The following PCDHB5 variants were observed in gnomAD, a reference collection of about 807,000 sequenced individuals.
PCDHB5 encodes protocadherin beta 5.
For missense variants in PCDHB5, 1,125 were observed against 1,029.4 expected (o/e 1.09, Z -1.27); for synonymous variants, 569 against 462.2 (o/e 1.23, Z -2.96).
In PCDHB5 at chr5:141,136,448, T is replaced by C; in HGVS notation, c.1014T>C (p.Asp338=). 6.2e-7 allele frequency: 1 copy of C among 1,614,148 alleles called. No homozygotes were observed. The highest frequency in any genetic ancestry group is 8.5e-7 in the Non-Finnish European group (1 of 1,180,044). The stretch of plus-strand genomic sequence containing the variant: ...GCACTGTGGCTATAGAAGTGGTGGA[T>C]GTGAATGACAACGCCCCTGAACTCA... ...GKCTVAIEVV[D]VNDNAPELTM... The change falls in exon 1 of 1, where the codon GAT becomes GAC. Residue 338 remains aspartate (D), a synonymous_variant. Coordinates refer to ENST00000231134, the MANE Select transcript of PCDHB5 (RefSeq NM_015669.5).
rs1348843932 is a variant in PCDHB5, at chr5:141,136,284, G to C, written c.850G>C (p.Gly284Arg). 1 of 1,614,210 alleles carries C rather than the reference G, an allele frequency of 6.2e-7. No individual in the cohort carries two copies. The highest frequency in any genetic ancestry group is 8.5e-7 in the Non-Finnish European group (1 of 1,180,034). The change falls in exon 1 of 1, where the codon GGC (glycine) becomes CGC (arginine). Residue 284 changes from glycine to arginine, a missense_variant. By Grantham distance (125) the Gly-to-Arg change is moderately radical. Transcript: ENST00000231134. ...YGSVAYALFQ[G>R]DEVTQPFVID... Reference sequence around the variant, plus strand: ...GAGTGTAGCCTATGCTCTATTCCAAGGCGATGAAGTTACTCAACCATTTGT... The same window carrying C: ...GAGTGTAGCCTATGCTCTATTCCAACGCGATGAAGTTACTCAACCATTTGT...
In PCDHB5 at chr5:141,137,765, C is replaced by T. The variant is rs138194196; in HGVS notation, c.2331C>T (p.Gly777=). The part of the protein sequence containing the change: ...KPIIPNLLPQ[G]AGEEIGKTAA... ...TTATTCCTAACCTTTTGCCCCAGGGCGCTGGTGAAGAAATAGGGAAAACTG... is the reference window on the plus strand; with the variant it reads ...TTATTCCTAACCTTTTGCCCCAGGGTGCTGGTGAAGAAATAGGGAAAACTG... Residue 777 remains glycine, a synonymous_variant, in exon 1 of 1, where the codon GGC becomes GGT. Coordinates refer to ENST00000231134, the MANE Select transcript of PCDHB5 (RefSeq NM_015669.5). The T allele has an allele frequency of 4.3e-6, 7 of 1,613,884 alleles. No homozygotes were observed. Among genetic ancestry groups the T allele is most frequent in the Admixed American group, 1.7e-5 (1 of 59,976 alleles).
Position 141,137,219 on chromosome 5 carries a change from G to A in PCDHB5, c.1785G>A (p.Ser595=). ...VTKVVAVDGD[S]GQNAWLSYQL... ...AGGTGGTGGCGGTGGACGGTGACTCGGGCCAGAACGCCTGGCTGTCGTACC... is the reference window on the plus strand; with the variant it reads ...AGGTGGTGGCGGTGGACGGTGACTCAGGCCAGAACGCCTGGCTGTCGTACC... The change falls in exon 1 of 1, where the codon TCG becomes TCA. Residue 595 remains serine, a synonymous_variant. Transcript: ENST00000231134. 3 of 1,610,902 alleles carry A rather than the reference G, an allele frequency of 1.9e-6. No individual in the cohort carries two copies. The highest frequency in any genetic ancestry group is 2.5e-6 in the Non-Finnish European group (3 of 1,179,618).
In PCDHB5 at chr5:141,136,140, A is replaced by G. The variant is rs1554275826; in HGVS notation, c.706A>G (p.Asn236Asp). 6.2e-7 allele frequency: 1 copy of G among 1,614,156 alleles called. No homozygotes were observed. The highest frequency in any genetic ancestry group is 1.1e-5 in the South Asian group (1 of 91,070). ...TTIRIVVLDNNDNAPEFLQSF... is the reference protein window; with the variant it reads ...TTIRIVVLDNDDNAPEFLQSF... ...AATTCGCATTGTCGTCTTGGATAAT[A>G]ATGACAACGCCCCCGAATTTTTACA... is the stretch of plus-strand genomic sequence containing the variant. Residue 236 changes from asparagine (N) to aspartate (D), a missense_variant, in exon 1 of 1, where the codon AAT becomes GAT. Physicochemically the swap from Asn to Asp is conservative, Grantham distance 23 (BLOSUM62 1). Coordinates refer to ENST00000231134, the MANE Select transcript of PCDHB5 (RefSeq NM_015669.5).
chr5:141,137,688 G>A lies in PCDHB5; in HGVS notation c.2254G>A (p.Val752Met), dbSNP rs1752630141. ...CCTATCCCAGAGCTACCACTACGAG[G>A]TGTGTTTGACCGGAGACTCAGGGGC... ...GTLSQSYHYEVCLTGDSGAGE... is the reference protein window; with the variant it reads ...GTLSQSYHYEMCLTGDSGAGE... Residue 752 changes from valine (V) to methionine (M), a missense_variant, in exon 1 of 1, where the codon GTG becomes ATG. Coordinates refer to ENST00000231134, the MANE Select transcript of PCDHB5 (RefSeq NM_015669.5). 1 of 1,614,260 alleles carries A rather than the reference G, an allele frequency of 6.2e-7. No individual in the cohort carries two copies. The highest frequency in any genetic ancestry group is 1.1e-5 in the South Asian group (1 of 91,082).
chr5:141,137,244 C>T lies in PCDHB5; in HGVS notation c.1810C>T (p.Gln604Ter), dbSNP rs1554276148. ...GGGCCAGAACGCCTGGCTGTCGTAC[C>T]AGCTGCTCAAGGCCACGGAGCCCGG... The part of the protein sequence containing the change: ...DSGQNAWLSY[Q>*]LLKATEPGLF... The change falls in exon 1 of 1, where the codon CAG becomes TAG. Residue 604 changes from glutamine (Q) to a stop codon, truncating the protein, a stop_gained. Coordinates refer to ENST00000231134, the MANE Select transcript of PCDHB5 (RefSeq NM_015669.5). LOFTEE classifies it low-confidence loss of function (END_TRUNC). 2 of 1,610,804 alleles carry T rather than the reference C, an allele frequency of 1.2e-6. No homozygotes were observed. The highest frequency in any genetic ancestry group is 1.7e-6 in the Non-Finnish European group (2 of 1,179,676).
At position 141,136,584 on chromosome 5, in the gene PCDHB5, A is replaced by T. The variant is rs1752582323; in HGVS notation, c.1150A>T (p.Ile384Phe). Residue 384 changes from isoleucine to phenylalanine, a missense_variant, in exon 1 of 1, where the codon ATC (isoleucine) becomes TTC (phenylalanine). Ile to Phe is a conservative substitution (Grantham distance 21). Coordinates refer to ENST00000231134, the MANE Select transcript of PCDHB5 (RefSeq NM_015669.5). ...GGACAACGGTAGGATGATTTGCTCC[A>T]TCCAGAATGATCTCCCCTTTCTTTT... ...SGDNGRMICS[I>F]QNDLPFLLKP... 1 of 1,614,100 alleles carries T rather than the reference A, an allele frequency of 6.2e-7. No homozygotes were observed. The highest frequency in any genetic ancestry group is 2.2e-5 in the East Asian group (1 of 44,868).
In PCDHB5 at chr5:141,137,465, G is replaced by T; in HGVS notation, c.2031G>T (p.Pro677=). 1.9e-6 allele frequency: 3 copies of T among 1,612,560 alleles called. No homozygotes were observed. The highest frequency in any genetic ancestry group is 1.9e-4 in the Middle Eastern group (1 of 5,314). ...QPYLPLPEAA[P]AQAQADSLTV... ...ACCTGCCGCTGCCGGAGGCGGCCCC[G>T]GCCCAGGCCCAGGCCGACTCGCTCA... is the stretch of plus-strand genomic sequence containing the variant. Residue 677 remains proline, a synonymous_variant, in exon 1 of 1, where the codon CCG becomes CCT. Coordinates refer to ENST00000231134, the MANE Select transcript of PCDHB5 (RefSeq NM_015669.5).
chr5:141,135,812 A>G lies in PCDHB5; in HGVS notation c.378A>G (p.Ile126Met). The change falls in exon 1 of 1, where the codon ATA (isoleucine) becomes ATG (methionine). Residue 126 changes from isoleucine (I) to methionine (M), a missense_variant. By Grantham distance (10) the Ile-to-Met change is conservative (BLOSUM62 1). Coordinates refer to ENST00000231134, the MANE Select transcript of PCDHB5 (RefSeq NM_015669.5). ...FFQTDLQLTD[I>M]NDHAPEFPEK... ...AAACTGATCTGCAGCTCACAGATAT[A>G]AATGACCATGCCCCAGAGTTCCCAG... is the stretch of plus-strand genomic sequence containing the variant. 6.2e-7 allele frequency: 1 copy of G among 1,614,046 alleles called. No individual in the cohort carries two copies. The highest frequency in any genetic ancestry group is 8.5e-7 in the Non-Finnish European group (1 of 1,179,942).
At position 141,137,193 on chromosome 5, in the gene PCDHB5, A is replaced by G; in HGVS notation, c.1759A>G (p.Lys587Glu). ...GGCCGAGCCGGGCTACCTGGTGACCAAGGTGGTGGCGGTGGACGGTGACTC... is the reference window on the plus strand; with the variant it reads ...GGCCGAGCCGGGCTACCTGGTGACCGAGGTGGTGGCGGTGGACGGTGACTC... ...RAAEPGYLVT[K>E]VVAVDGDSGQ... The change falls in exon 1 of 1, where the codon AAG (lysine) becomes GAG (glutamate). Residue 587 changes from lysine to glutamate, a missense_variant. Lys to Glu is a moderately conservative substitution (Grantham distance 56). Transcript: ENST00000231134. 2 of 1,610,968 alleles carry G rather than the reference A, an allele frequency of 1.2e-6. No homozygotes were observed. The highest frequency in any genetic ancestry group is 1.7e-5 in the Admixed American group (1 of 59,982).
chr5:141,137,446 C>G lies in PCDHB5; in HGVS notation c.2012C>G (p.Pro671Arg), dbSNP rs782233245. The G allele has an allele frequency of 1.3e-5, 21 of 1,612,240 alleles. No individual in the cohort carries two copies. In the Middle Eastern group the frequency reaches 1.7e-3, roughly 131 times the overall value. The change falls in exon 1 of 1, where the codon CCG becomes CGG. Residue 671 changes from proline to arginine, a missense_variant. Transcript: ENST00000231134. ...GACGGCTTCTCCCAGCCCTACCTGCCGCTGCCGGAGGCGGCCCCGGCCCAG... is the reference window on the plus strand; with the variant it reads ...GACGGCTTCTCCCAGCCCTACCTGCGGCTGCCGGAGGCGGCCCCGGCCCAG... ...LVDGFSQPYL[P>R]LPEAAPAQAQ...
Position 141,138,042 on chromosome 5 carries a change from T to C in PCDHB5, c.*220T>C. The C allele has an allele frequency of 2.0e-6, 1 of 489,476 alleles. No homozygotes were observed. The highest frequency in any genetic ancestry group is 3.6e-6 in the Non-Finnish European group (1 of 275,738). The allele number at this position is 489,476 out of a possible 1,614,324, so 30.3% of individuals were successfully genotyped here. ...TGTCATTCCAAATCCATGCATGCTG[T>C]TGATTTTCCTGAGATTTTTTTCTCT... On this transcript the variant is annotated 3_prime_UTR_variant, in exon 1 of 1. Transcript: ENST00000231134.
rs1752547830 is a variant in PCDHB5 at position 141,135,556 on chromosome 5, G to A, written c.122G>A (p.Ser41Asn). Residue 41 changes from serine to asparagine, a missense_variant, in exon 1 of 1, where the codon AGT becomes AAT. Transcript: ENST00000231134. ...VRYSIPEETE[S>N]GYSVANLAKD... ...TATTCCATACCAGAAGAAACAGAAA[G>A]TGGCTATTCTGTGGCCAACCTGGCA... 1.2e-6 allele frequency: 2 copies of A among 1,614,040 alleles called. No individual in the cohort carries two copies. The highest frequency in any genetic ancestry group is 2.2e-5 in the South Asian group (2 of 91,076).
Position 141,137,218 on chromosome 5 carries a change from C to T in PCDHB5, c.1784C>T (p.Ser595Leu), listed in dbSNP as rs559755817. 2.5e-6 allele frequency: 4 copies of T among 1,610,920 alleles called. No homozygotes were observed. Among genetic ancestry groups the T allele is most frequent in the African/African-American group, 1.3e-5 (1 of 74,988 alleles). ...AAGGTGGTGGCGGTGGACGGTGACTCGGGCCAGAACGCCTGGCTGTCGTAC... is the reference window on the plus strand; with the variant it reads ...AAGGTGGTGGCGGTGGACGGTGACTTGGGCCAGAACGCCTGGCTGTCGTAC... ...VTKVVAVDGD[S>L]GQNAWLSYQL... The change falls in exon 1 of 1, where the codon TCG becomes TTG. Residue 595 changes from serine (S) to leucine (L), a missense_variant. Physicochemically the swap from Ser to Leu is moderately radical, Grantham distance 145. Coordinates refer to ENST00000231134, the MANE Select transcript of PCDHB5 (RefSeq NM_015669.5).
Position 141,137,581 on chromosome 5 carries a change from G to C in PCDHB5, c.2147G>C (p.Ser716Thr). 1 of 1,612,636 alleles carries C rather than the reference G, an allele frequency of 6.2e-7. No homozygotes were observed. The highest frequency in any genetic ancestry group is 1.1e-5 in the South Asian group (1 of 91,016). ...LFVAVRLCRR[S>T]RAAPVGRCSV... Reference sequence around the variant, plus strand: ...GTGGCAGTGCGGCTGTGCAGGAGGAGCAGGGCGGCCCCGGTCGGTCGCTGC... The same window carrying C: ...GTGGCAGTGCGGCTGTGCAGGAGGACCAGGGCGGCCCCGGTCGGTCGCTGC... Residue 716 changes from serine to threonine, a missense_variant, in exon 1 of 1, where the codon AGC becomes ACC. Coordinates refer to ENST00000231134, the MANE Select transcript of PCDHB5 (RefSeq NM_015669.5).
Position 141,137,621 on chromosome 5 carries a change from C to T in PCDHB5, c.2187C>T (p.Gly729=), listed in dbSNP as rs782661445. Residue 729 remains glycine, a synonymous_variant, in exon 1 of 1, where the codon GGC becomes GGT. Transcript: ENST00000231134. ...APVGRCSVPE[G]PFPGHLVDVS... ...TCGGTCGCTGCTCGGTGCCCGAGGG[C>T]CCCTTTCCAGGGCATCTGGTGGACG... 4.0e-5 allele frequency: 64 copies of T among 1,613,668 alleles called. No individual in the cohort carries two copies. Among genetic ancestry groups the T allele is most frequent in the Non-Finnish European group, 4.8e-5 (57 of 1,180,046 alleles).
Position 141,135,623 on chromosome 5 carries a change from C to A in PCDHB5, c.189C>A (p.Gly63=), listed in dbSNP as rs1563870307. ...GLGVGELATR[G]ARMHYKGNKE... ...GGGTGGGGGAACTGGCCACTCGGGG[C>A]GCGCGAATGCATTACAAAGGAAACA... The change falls in exon 1 of 1, where the codon GGC becomes GGA. Residue 63 remains glycine (G), a synonymous_variant. Coordinates refer to ENST00000231134, the MANE Select transcript of PCDHB5 (RefSeq NM_015669.5). The A allele has an allele frequency of 7.4e-6, 12 of 1,613,990 alleles. No individual in the cohort carries two copies. The highest frequency in any genetic ancestry group is 1.6e-4 in the Middle Eastern group (1 of 6,062).
Position 141,138,056 on chromosome 5 carries a change from A to AT in PCDHB5, c.*241dup, listed in dbSNP as rs1490091893. ...CATGCATGCTGTTGATTTTCCTGAG[A>AT]TTTTTTTCTCTTCTTGTTGGTATTT... On this transcript the variant is annotated 3_prime_UTR_variant, in exon 1 of 1. Coordinates refer to ENST00000231134, the MANE Select transcript of PCDHB5 (RefSeq NM_015669.5). The AT allele has an allele frequency of 2.2e-5, 10 of 462,480 alleles. No homozygotes were observed. The highest frequency in any genetic ancestry group is 1.6e-4 in the South Asian group (3 of 18,930). 28.6% of individuals were successfully genotyped at this position (462,480 alleles called of 1,614,324 possible).
chr5:141,135,882 A>T lies in PCDHB5; in HGVS notation c.448A>T (p.Thr150Ser), dbSNP rs782454816. 5.0e-6 allele frequency: 8 copies of T among 1,614,028 alleles called. No individual in the cohort carries two copies. The Admixed American group carries it at 1.2e-4, about 24-fold the overall frequency. The change falls in exon 1 of 1, where the codon ACT (threonine) becomes TCT (serine). Residue 150 changes from threonine (T) to serine (S), a missense_variant. Thr to Ser is a moderately conservative substitution (Grantham distance 58). Transcript: ENST00000231134. ...LKIPESTQPG[T>S]VFPLKIAQDF... ...AATCCCAGAGAGCACCCAGCCAGGG[A>T]CTGTGTTTCCCTTAAAAATAGCCCA...
Sources: gnomAD v4.1 joint callset for allele counts on GRCh38, gnomAD v4.1.1 for gene constraint, MANE v1.5 for transcripts, NCBI Gene and HGNC (gene_info 2026-07-23, HGNC 2026-07-21) for gene names.